The following ARMC12 variants were observed in gnomAD, a reference collection of about 807,000 sequenced individuals.
The protein encoded by ARMC12 is armadillo repeat-containing protein 12.
ARMC12 carries 25 observed loss-of-function variants against 37.4 expected under a neutral mutation model. That is an observed-to-expected ratio of 0.67 (90% CI 0.49 to 0.93). The LOEUF (loss-of-function observed/expected upper bound fraction) is 0.93, where lower values mean the gene tolerates loss of function less well. Among genes scored for constraint, ARMC12 ranks in the 40% least tolerant of loss-of-function variants. The pLI, the probability that ARMC12 is intolerant of heterozygous loss-of-function variation, is 0.00. For synonymous variants in ARMC12, 167 were observed against 176.1 expected, an observed-to-expected ratio of 0.95 and a Z score of 0.41; for missense variants, 384 against 426.6, an observed-to-expected ratio of 0.90 and a Z score of 0.88.
rs771975136 is a variant in ARMC12, at chr6:35,748,720, A to G, written c.873A>G (p.Ala291=). Reference sequence around the variant, plus strand: ...TCTTTGGGGAAGAGTCCCGACTGGCAGACCGACTACTTGCCCTGGTCATCC... The same window carrying G: ...TCTTTGGGGAAGAGTCCCGACTGGCGGACCGACTACTTGCCCTGGTCATCC... ...ESLFGEESRL[A]DRLLALVIHP... Residue 291 remains alanine (A), a synonymous_variant, in exon 6 of 6, where the codon GCA becomes GCG. Coordinates refer to ENST00000373866, the MANE Select transcript of ARMC12 (RefSeq NM_001286574.2). 1 of 1,614,222 alleles carries G rather than the reference A, an allele frequency of 6.2e-7. No homozygotes were observed. Among genetic ancestry groups the G allele is most frequent in the Non-Finnish European group, 8.5e-7 (1 of 1,180,042 alleles).
At chr6:35,743,682 C>A (rs1767245964) in intron 3 of ARMC12, among the ~76,000 whole-genome samples, 1 of 148,128 alleles carries the variant, frequency 6.8e-6, no homozygotes, top group African/African-American at 2.5e-5. Context: ...GCAAGGCAAG[C>A]AATACACAAA....
intron 3 of ARMC12, among the ~76,000 whole-genome samples, chr6:35,741,155 T>G (rs1057369019): frequency 9.2e-5 from 14 of 152,148 alleles, no homozygotes; most frequent in Non-Finnish European, 1.9e-4. Flanking sequence ...GTCTCTTTCG[T>G]GAATACTCTG....
chr6:35,739,231 C>T (rs1207310360), intron 3 of ARMC12, among the ~76,000 whole-genome samples: 1 of 152,128 alleles, frequency 6.6e-6, no homozygotes, highest in East Asian at 1.9e-4. Flanking sequence ...ATTTCTGTAA[C>T]CGGTTACAGG....
At chr6:35,738,286 TG>T (rs56101324) in intron 2 of ARMC12, 97 bp from the exon 3 acceptor site, 15,837 of 1,047,826 alleles carry the variant, frequency 0.015, 190 homozygotes, top group African/African-American at 0.072. Context: ...CTGATAGCGG[TG>T]GGGGGGGGGT....
chr6:35,733,249 CAT>C (rs1263996950), upstream of ARMC12, among the ~76,000 whole-genome samples: 13 of 152,198 alleles, frequency 8.5e-5, no homozygotes, highest in Admixed American at 2.6e-4. Flanking sequence ...AGGGCTGACT[CAT>C]GTGCTTTTCA....
chr6:35,731,959 A>G, the ARMC12 span, among the ~76,000 whole-genome samples: 1 of 148,722 alleles, frequency 6.7e-6, no homozygotes, highest in Non-Finnish European at 1.5e-5. Context: ...GCGCGGCGGG[A>G]GTGGGGGAGG....
chr6:35,734,345 G>T (rs543167366), upstream of ARMC12, among the ~76,000 whole-genome samples: 1 of 152,162 alleles, frequency 6.6e-6, no homozygotes, highest in South Asian at 2.1e-4. Flanking sequence ...TTTTTTGTTG[G>T]GGGTTGGCGG....
intron 3 of ARMC12, among the ~76,000 whole-genome samples, chr6:35,745,351 G>C (rs1194941689): frequency 1.3e-5 from 2 of 152,310 alleles, no homozygotes; most frequent in East Asian, 3.9e-4. Context: ...GCGTTATGCT[G>C]AGTGAAAAAA....
chr6:35,734,773 A>G (rs1404888252), upstream of ARMC12, among the ~76,000 whole-genome samples: 2 of 151,946 alleles, frequency 1.3e-5, no homozygotes, highest in Non-Finnish European at 2.9e-5. Context: ...CTGCGCTCCA[A>G]CCTGGGTGAC....
At position 35,740,014 on chromosome 6, in the gene ARMC12, T is replaced by C. The variant is rs567724537; in HGVS notation, c.444+1496T>C. ...AGTCACTTCATTAGCATAAGCTCTG[T>C]TGTGACCAAAAAGGGTTGGTTTGCA... is the stretch of plus-strand genomic sequence containing the variant. On this transcript the variant is annotated intron_variant, in intron 3 of 5. Transcript: ENST00000373866. Among the ~76,000 whole-genome samples the C allele has an allele frequency of 1.6e-4, 25 of 152,314 alleles. No individual in the cohort carries two copies. In the South Asian group the frequency reaches 4.8e-3, roughly 29 times the overall value.
intron 3 of ARMC12, among the ~76,000 whole-genome samples, chr6:35,746,748 C>G (rs145474944): frequency 7.2e-5 from 11 of 151,802 alleles, no homozygotes; most frequent in Admixed American, 5.9e-4. Context: ...GTTTTTGGCC[C>G]GAGCCACTGG....
At chr6:35,737,320 C>T in intron 1 of ARMC12, 49 bp downstream of exon 1, 1 of 1,614,236 alleles carries the variant, frequency 6.2e-7, no homozygotes, top group Non-Finnish European at 8.5e-7. Flanking sequence ...GAGGCACCTG[C>T]TCCCGAGGCC....
At chr6:35,735,544 A>G (rs1766938498), upstream of ARMC12, among the ~76,000 whole-genome samples, 1 of 152,112 alleles carries the variant, frequency 6.6e-6, no homozygotes. This position sits in a 1 kb window ranked among gnomAD's most constrained non-coding sequence, Gnocchi z 4.0. Context: ...ACCTCCTTCC[A>G]TCCTGGGTGC....
chr6:35,748,837 G>A lies in ARMC12; in HGVS notation c.990G>A (p.Gln330=). The A allele has an allele frequency of 6.2e-7, 1 of 1,613,038 alleles. No homozygotes were observed. The highest frequency in any genetic ancestry group is 8.5e-7 in the Non-Finnish European group (1 of 1,179,558). ...TGAGAGCCCGGCCCTCCTCCTGCCA[G>A]CCCAGTCGTTCCTACTTTAAAAACA... ...QDLRARPSSC[Q]PSRSYFKNTE Residue 330 remains glutamine, a synonymous_variant, in exon 6 of 6, where the codon CAG becomes CAA. Coordinates refer to ENST00000373866, the MANE Select transcript of ARMC12 (RefSeq NM_001286574.2).
chr6:35,749,014 T>C lies in ARMC12; in HGVS notation c.*144T>C. ...CAGAGTGTGGTACAGCATGGGCTTA[T>C]CTCTCAAAACACATCCCCACTTCTA... On this transcript the variant is annotated 3_prime_UTR_variant, in exon 6 of 6. Coordinates refer to ENST00000373866, the MANE Select transcript of ARMC12 (RefSeq NM_001286574.2). 1 of 787,442 alleles carries C rather than the reference T, an allele frequency of 1.3e-6. No homozygotes were observed. The highest frequency in any genetic ancestry group is 1.8e-5 in the African/African-American group (1 of 56,414). 48.8% of individuals were successfully genotyped at this position (787,442 alleles called of 1,614,324 possible).
chr6:35,748,970 T>C lies in ARMC12; in HGVS notation c.*100T>C. 1.7e-6 allele frequency: 2 copies of C among 1,209,414 alleles called. No individual in the cohort carries two copies. Among genetic ancestry groups the C allele is most frequent in the South Asian group, 1.5e-5 (1 of 64,596 alleles). 74.9% of individuals were successfully genotyped at this position (1,209,414 alleles called of 1,614,324 possible). A position where few individuals can be genotyped will look rare whatever the true frequency, so the allele number is the denominator to read the frequency against. On this transcript the variant is annotated 3_prime_UTR_variant, in exon 6 of 6. Transcript: ENST00000373866. ...CTTCCAGGGCTGGGTGGAGATTTCA[T>C]TCAGCATAACCTCTGCTCCAGAGTG...
At chr6:35,733,850 A>T (rs1157616775), upstream of ARMC12, 1 of 152,238 alleles carries the variant, frequency 6.6e-6, no homozygotes, top group Non-Finnish European at 1.5e-5. Flanking sequence ...TACTAAACTC[A>T]AATGTACTTA....
At chr6:35,735,914 A>G (rs574681608), upstream of ARMC12, 7 of 152,242 alleles carry the variant, frequency 4.6e-5, no homozygotes, top group African/African-American at 1.4e-4. The surrounding 1 kb of genome is among the most constrained non-coding windows in gnomAD (Gnocchi z 4.0). Context: ...GCTGAAAGGC[A>G]CAGACTTACC....
rs56101324 is a variant in ARMC12 at position 35,738,286 on chromosome 6, T to TGGGGGG, written c.310-93_310-88dup. 1.2e-4 allele frequency: 132 copies of TGGGGGG among 1,062,850 alleles called. 1 individual carries two copies. Among genetic ancestry groups the TGGGGGG allele is most frequent in the African/African-American group, 5.5e-4 (24 of 43,418 alleles). The allele number at this position is 1,062,850 out of a possible 1,614,324, so 65.8% of individuals were successfully genotyped here. Reference sequence around the variant, plus strand: ...GGGACCTCTCTCTGGCTGATAGCGGTGGGGGGGGGGTGTGCGGAGGGATCT... The same window carrying TGGGGGG: ...GGGACCTCTCTCTGGCTGATAGCGGTGGGGGGGGGGGGGGGGTGTGCGGAGGGATCT... On this transcript the variant is annotated intron_variant, in intron 2 of 5. Coordinates refer to ENST00000373866, the MANE Select transcript of ARMC12 (RefSeq NM_001286574.2).
Sources: allele counts gnomAD v4.1 joint callset (sites outside exome capture counted in the v4.1 genomes callset), GRCh38; gene constraint gnomAD v4.1.1; non-coding constraint Gnocchi (gnomAD v3.1); transcripts MANE v1.5; gene names NCBI Gene and HGNC (gene_info 2026-07-23, HGNC 2026-07-21).